IL13RA1: variants seen among roughly 807,000 people sequenced by gnomAD.
IL13RA1 encodes interleukin-13 receptor subunit alpha-1.
IL13RA1 carries 14 observed loss-of-function variants against 33.8 expected under a neutral mutation model. That is an observed-to-expected ratio of 0.41 (90% CI 0.27 to 0.65). IL13RA1 has a LOEUF of 0.65. Ranked by LOEUF, IL13RA1 falls within the 30% of genes least tolerant of loss-of-function variation. The pLI is 0.28. For synonymous variants in IL13RA1, 116 were observed against 115.7 expected, an observed-to-expected ratio of 1.00 and a Z score of -0.02; for missense variants, 313 against 327.0, an observed-to-expected ratio of 0.96 and a Z score of 0.33.
intron 4 of IL13RA1, among the ~76,000 whole-genome samples, chrX:118,752,628 G>A (rs1430854181): frequency 8.9e-6 from 1 of 111,844 alleles, no homozygotes; most frequent in Non-Finnish European, 1.9e-5. Context: ...TTACTTGGTG[G>A]TAGCCTGCTA....
chrX:118,758,092 A>T lies in IL13RA1; in HGVS notation c.526A>T (p.Ile176Phe), dbSNP rs769793432. Residue 176 changes from isoleucine (I) to phenylalanine (F), a missense_variant, in exon 5 of 11, where the codon ATC (isoleucine) becomes TTC (phenylalanine). Transcript: ENST00000371666. ...SLEKIHQCEN[I>F]FREGQYFGCS... Reference sequence around the variant, plus strand: ...GGAAAAAATTCATCAATGTGAAAACATCTTTAGAGAAGGCCAATACTTTGG... The same window carrying T: ...GGAAAAAATTCATCAATGTGAAAACTTCTTTAGAGAAGGCCAATACTTTGG... The T allele has an allele frequency of 3.4e-6, 4 of 1,172,152 alleles. No individual in the cohort carries two copies. Among genetic ancestry groups the T allele is most frequent in the Non-Finnish European group, 4.6e-6 (4 of 864,385 alleles).
At chrX:118,800,429 G>A in the IL13RA1 span, among the ~76,000 whole-genome samples, 1 of 110,573 alleles carries the variant, frequency 9.0e-6, no homozygotes, top group Admixed American at 9.6e-5. Context: ...GAGGAACGAA[G>A]AACTCCAGAC....
rs2017984506 is a variant in IL13RA1 at position 118,792,300 on chromosome X, A to G, written c.*446A>G. On this transcript the variant is annotated 3_prime_UTR_variant, in exon 11 of 11. Transcript: ENST00000371666. ...TAGAAAACAAAATGGATAAAATCTG[A>G]TATGTATTGTTTGGGATCCTATTGA... 1.8e-5 allele frequency: 2 copies of G among 113,274 alleles called. No homozygotes were observed. Among genetic ancestry groups the G allele is most frequent in the Admixed American group, 1.9e-4 (2 of 10,641 alleles). The allele number at this position is 113,274 out of a possible 1,213,427, so 9.3% of individuals were successfully genotyped here.
intron 4 of IL13RA1, among the ~76,000 whole-genome samples, chrX:118,756,505 A>G (rs2017531861): frequency 9.0e-6 from 1 of 111,418 alleles, no homozygotes; most frequent in African/African-American, 3.3e-5. Context: ...GTTTTAGAAC[A>G]TTGACCTGGC....
the IL13RA1 span, among the ~76,000 whole-genome samples, chrX:118,800,101 TCTAA>T: frequency 9.0e-6 from 1 of 111,035 alleles, no homozygotes; most frequent in Admixed American, 9.6e-5. Flanking sequence ...AAAGTCTGTA[TCTAA>T]CTAATCTAAT....
At chrX:118,775,458 T>C (rs2017771590) in intron 9 of IL13RA1, among the ~76,000 whole-genome samples, 1 of 111,638 alleles carries the variant, frequency 9.0e-6, no homozygotes, top group African/African-American at 3.3e-5. Context: ...AGTTGCTGAG[T>C]GAAGAACTGA....
intron 5 of IL13RA1, among the ~76,000 whole-genome samples, chrX:118,759,526 G>A (rs1242866819): frequency 9.0e-6 from 1 of 111,260 alleles, no homozygotes. Context: ...TGCCTAGTGG[G>A]GTAAGCTGAA....
rs1444944312 is a variant in IL13RA1, at chrX:118,794,369, G to A, written c.*2515G>A. 1.8e-5 allele frequency: 2 copies of A among 112,325 alleles called. No individual in the cohort carries two copies. The highest frequency in any genetic ancestry group is 3.8e-5 in the Non-Finnish European group (2 of 53,215). The allele number at this position is 112,325 out of a possible 1,213,427, so 9.3% of individuals were successfully genotyped here. On this transcript the variant is annotated 3_prime_UTR_variant, in exon 11 of 11. Coordinates refer to ENST00000371666, the MANE Select transcript of IL13RA1 (RefSeq NM_001560.3). ...CCTAAGCAAACCCAGTGTCAGGATGGTAATTCTTATTCTTTCGTTCAGTTA... is the reference window on the plus strand; with the variant it reads ...CCTAAGCAAACCCAGTGTCAGGATGATAATTCTTATTCTTTCGTTCAGTTA...
At position 118,773,962 on chromosome X, in the gene IL13RA1, C is replaced by T. The variant is rs1417254096; in HGVS notation, c.1093C>T (p.Leu365Phe). The change falls in exon 9 of 11, where the codon CTT becomes TTT. Residue 365 changes from leucine (L) to phenylalanine (F), a missense_variant. By Grantham distance (22) the Leu-to-Phe change is conservative. Transcript: ENST00000371666. ...IVAGAIIVLLLYLKRLKIIIF... is the reference protein window; with the variant it reads ...IVAGAIIVLLFYLKRLKIIIF... ...CGCAGGTGCAATCATAGTACTCCTGCTTTACCTAAAAAGGTAAGGTAGCTG... is the reference window on the plus strand; with the variant it reads ...CGCAGGTGCAATCATAGTACTCCTGTTTTACCTAAAAAGGTAAGGTAGCTG... The T allele has an allele frequency of 5.1e-6, 5 of 977,760 alleles. No individual in the cohort carries two copies. The African/African-American group carries it at 7.6e-5, about 15-fold the overall frequency. 80.6% of individuals were successfully genotyped at this position (977,760 alleles called of 1,213,427 possible).
intron 1 of IL13RA1, among the ~76,000 whole-genome samples, chrX:118,739,125 C>T (rs1271572767): frequency 8.9e-6 from 1 of 112,010 alleles, no homozygotes; most frequent in Non-Finnish European, 1.9e-5. Flanking sequence ...AAGTGCTTTC[C>T]ACGGTGGTGG....
At chrX:118,801,421 A>G in the IL13RA1 span, among the ~76,000 whole-genome samples, 1 of 112,110 alleles carries the variant, frequency 8.9e-6, no homozygotes, top group African/African-American at 3.2e-5. Context: ...TTTTTAAGAC[A>G]TTGCTTTCTA....
At chrX:118,770,537 T>C in intron 8 of IL13RA1, 1 of 532,055 alleles carries the variant, frequency 1.9e-6, no homozygotes, top group South Asian at 2.3e-5. Context: ...GACTTCGTGG[T>C]GTGGATGCGC....
At chrX:118,799,206 G>T (rs946575754), downstream of IL13RA1, among the ~76,000 whole-genome samples, 1 of 113,258 alleles carries the variant, frequency 8.8e-6, no homozygotes, top group Non-Finnish European at 1.9e-5. Flanking sequence ...GGCAGGGCTC[G>T]GGACCTGCAG....
At chrX:118,798,505 G>C (rs144347742), downstream of IL13RA1, among the ~76,000 whole-genome samples, 628 of 111,257 alleles carry the variant, frequency 5.6e-3, 9 homozygotes, top group African/African-American at 0.019. Flanking sequence ...TGAATTTTTG[G>C]GGGGAGACAG....
chrX:118,780,451 A>C (rs1446702825), intron 10 of IL13RA1, among the ~76,000 whole-genome samples: 3 of 112,794 alleles, frequency 2.7e-5, no homozygotes, highest in Non-Finnish European at 5.6e-5. Context: ...TTGTATTGCT[A>C]TAAAGACATA....
At chrX:118,758,918 G>A (rs966957236) in intron 5 of IL13RA1, 1 of 111,659 alleles carries the variant, frequency 9.0e-6, no homozygotes, top group African/African-American at 3.3e-5. Context: ...ATGAGTTTGG[G>A]AGAAGATAAA....
intron 8 of IL13RA1, chrX:118,770,343 C>T (rs760966098): frequency 7.8e-5 from 28 of 358,427 alleles, no homozygotes; most frequent in Non-Finnish European, 1.1e-4. Context: ...GTGGAGGTGC[C>T]GCGCTACCGC....
chrX:118,773,909 C>A lies in IL13RA1; in HGVS notation c.1040C>A (p.Thr347Asn). 9.3e-7 allele frequency: 1 copy of A among 1,072,431 alleles called. No homozygotes were observed. The highest frequency in any genetic ancestry group is 1.3e-6 in the Non-Finnish European group (1 of 768,946). 88.4% of individuals were successfully genotyped at this position (1,072,431 alleles called of 1,213,427 possible). ...GKKRNSTLYITMLLIVPVIVA... is the reference protein window; with the variant it reads ...GKKRNSTLYINMLLIVPVIVA... Reference sequence around the variant, plus strand: ...AAGCGCAATTCCACACTCTACATAACCATGTTACTCATTGTTCCAGTCATC... The same window carrying A: ...AAGCGCAATTCCACACTCTACATAAACATGTTACTCATTGTTCCAGTCATC... Residue 347 changes from threonine to asparagine, a missense_variant, in exon 9 of 11, where the codon ACC becomes AAC. Thr to Asn is a moderately conservative substitution (Grantham distance 65, BLOSUM62 0). Coordinates refer to ENST00000371666, the MANE Select transcript of IL13RA1 (RefSeq NM_001560.3).
downstream of IL13RA1, among the ~76,000 whole-genome samples, chrX:118,799,251 G>C (rs751705044): frequency 8.8e-6 from 1 of 113,149 alleles, no homozygotes; most frequent in East Asian, 2.8e-4. Flanking sequence ...CACTCCATGG[G>C]CTCCTGTGCG....
Sources: allele counts gnomAD v4.1 joint callset (sites outside exome capture counted in the v4.1 genomes callset), GRCh38; gene constraint gnomAD v4.1.1; transcripts MANE v1.5; gene names NCBI Gene and HGNC (gene_info 2026-07-23, HGNC 2026-07-21).